Variants in TACR1 observed in about 807,000 individuals in gnomAD.
TACR1 encodes substance-P receptor.
Under a neutral mutation model 35.8 loss-of-function variants are expected in TACR1, and 25 were observed. The observed-to-expected ratio is 0.70, with a 90% CI of 0.51 to 0.98. TACR1 has a LOEUF of 0.98. TACR1 is among the 50% of genes least tolerant of loss of function. TACR1 has a pLI of 0.00. For missense variants in TACR1, 478 were observed against 522.9 expected (o/e 0.91, Z 0.84); for synonymous variants, 195 against 206.7 (o/e 0.94, Z 0.48).
At chr2:75,109,497 C>T (rs1673710695) in intron 2 of TACR1, among the ~76,000 whole-genome samples, 1 of 152,152 alleles carries the variant, frequency 6.6e-6, no homozygotes, top group African/African-American at 2.4e-5. Flanking sequence ...TGGATGTTTG[C>T]TGAAGCTAAT....
intron 1 of TACR1, among the ~76,000 whole-genome samples, chr2:75,142,041 T>C (rs1674417578): frequency 6.6e-6 from 1 of 152,220 alleles, no homozygotes; most frequent in Non-Finnish European, 1.5e-5. Flanking sequence ...TCTGTGACAA[T>C]CTGCTTTCAG....
chr2:75,057,309 A>C (rs1672588199), intron 2 of TACR1, among the ~76,000 whole-genome samples: 1 of 152,022 alleles, frequency 6.6e-6, no homozygotes, highest in African/African-American at 2.4e-5. Flanking sequence ...ACCAGGGAAC[A>C]ACCCCCTTTG....
Position 75,049,608 on chromosome 2 carries a change from T to A in TACR1, c.1048A>T (p.Lys350Ter). Residue 350 changes from lysine (K) to a stop codon, truncating the protein, a stop_gained, in exon 5 of 5, where the codon AAA becomes TAA. Coordinates refer to ENST00000305249, the MANE Select transcript of TACR1 (RefSeq NM_001058.4). LOFTEE classifies it high-confidence loss of function. ...ATGGTGGTCTCCAGGCGGCTGACTTTGTACACACTGCCCTGGGTCTGGAGA... is the reference window on the plus strand; with the variant it reads ...ATGGTGGTCTCCAGGCGGCTGACTTAGTACACACTGCCCTGGGTCTGGAGA... ...RYLQTQGSVY[K>*]VSRLETTIST... 6.2e-7 allele frequency: 1 copy of A among 1,614,144 alleles called. No homozygotes were observed. The highest frequency in any genetic ancestry group is 8.5e-7 in the Non-Finnish European group (1 of 1,180,030).
At chr2:75,115,055 A>G (rs73935540) in intron 2 of TACR1, among the ~76,000 whole-genome samples, 6 of 150,808 alleles carry the variant, frequency 4.0e-5, no homozygotes, top group Non-Finnish European at 5.9e-5. Flanking sequence ...GAAGTAATAA[A>G]TTTTCAAAGG....
At chr2:75,120,536 C>A (rs1673946182) in intron 2 of TACR1, 38 bp downstream of exon 2, 1 of 1,543,732 alleles carries the variant, frequency 6.5e-7, no homozygotes, top group African/African-American at 1.4e-5. Flanking sequence ...GCAGCCTGCA[C>A]CATCGTTTCT....
intron 1 of TACR1, among the ~76,000 whole-genome samples, chr2:75,125,214 C>A (rs188371050): frequency 6.6e-6 from 1 of 151,678 alleles, no homozygotes; most frequent in Non-Finnish European, 1.5e-5. Context: ...GATGGAGTCT[C>A]GCTCTGTTGC....
intron 1 of TACR1, among the ~76,000 whole-genome samples, chr2:75,165,263 G>A (rs538080994): frequency 5.3e-5 from 8 of 152,254 alleles, no homozygotes; most frequent in African/African-American, 1.9e-4. Flanking sequence ...CTCAAGGGAC[G>A]ATGCCCACTT....
intron 1 of TACR1, among the ~76,000 whole-genome samples, chr2:75,176,438 C>G (rs1399840984): frequency 6.6e-6 from 1 of 151,820 alleles, no homozygotes; most frequent in South Asian, 2.1e-4. Context: ...TGTTTTACTC[C>G]CTTCAATCTC....
At chr2:75,088,269 C>T (rs1415108195) in intron 2 of TACR1, among the ~76,000 whole-genome samples, 1 of 152,138 alleles carries the variant, frequency 6.6e-6, no homozygotes. Flanking sequence ...GCTGTCCACC[C>T]TTATGTCCTG....
chr2:75,083,475 A>G (rs187431724), intron 2 of TACR1, among the ~76,000 whole-genome samples: 67 of 152,336 alleles, frequency 4.4e-4, no homozygotes, highest in African/African-American at 1.2e-3. Context: ...AGTCATTGGT[A>G]GCTTGATGGG....
At chr2:75,097,733 T>G (rs1300980096) in intron 2 of TACR1, among the ~76,000 whole-genome samples, 1 of 152,178 alleles carries the variant, frequency 6.6e-6, no homozygotes, top group Non-Finnish European at 1.5e-5. Flanking sequence ...GATATTTTGT[T>G]TTTTTCTCTT....
intron 1 of TACR1, among the ~76,000 whole-genome samples, chr2:75,169,802 A>G (rs752407662): frequency 4.6e-5 from 7 of 152,276 alleles, no homozygotes; most frequent in Non-Finnish European, 8.8e-5. Context: ...AATAACTAGT[A>G]TGTGGAGTTG....
At chr2:75,079,062 C>T (rs1273049283) in intron 2 of TACR1, among the ~76,000 whole-genome samples, 1 of 152,118 alleles carries the variant, frequency 6.6e-6, no homozygotes, top group African/African-American at 2.4e-5. Context: ...ACCACCTCAC[C>T]AGGCAGCCTA....
chr2:75,181,086 A>C (rs151313513), intron 1 of TACR1, among the ~76,000 whole-genome samples: 24 of 152,210 alleles, frequency 1.6e-4, no homozygotes, highest in African/African-American at 5.8e-4. Context: ...TGGCCTACTA[A>C]ATCTTCCAAT....
intron 1 of TACR1, among the ~76,000 whole-genome samples, chr2:75,137,959 A>C (rs1325436195): frequency 6.6e-6 from 1 of 152,162 alleles, no homozygotes; most frequent in African/African-American, 2.4e-5. Context: ...AGGCTTCATC[A>C]GTGCTACCCA....
intron 1 of TACR1, among the ~76,000 whole-genome samples, chr2:75,173,373 G>T (rs1394946147): frequency 1.3e-5 from 2 of 152,030 alleles, no homozygotes; most frequent in Non-Finnish European, 2.9e-5. Context: ...TGAAATATTC[G>T]TTTATAAATA....
chr2:75,160,922 A>G (rs1429736144), intron 1 of TACR1, among the ~76,000 whole-genome samples: 7 of 151,574 alleles, frequency 4.6e-5, no homozygotes, highest in Middle Eastern at 6.8e-3. Flanking sequence ...CAGCCATCCA[A>G]GAAGGTAAAC....
At chr2:75,177,621 C>T (rs936420427) in intron 1 of TACR1, among the ~76,000 whole-genome samples, 15 of 152,122 alleles carry the variant, frequency 9.9e-5, no homozygotes, top group Non-Finnish European at 4.4e-5. Context: ...CTATCTCCTA[C>T]CCACGTCCTT....
At chr2:75,192,917 A>G (rs1675883519) in intron 1 of TACR1, among the ~76,000 whole-genome samples, 2 of 152,192 alleles carry the variant, frequency 1.3e-5, no homozygotes, top group South Asian at 4.1e-4. Context: ...ATAAATTATT[A>G]TGAGTATTCC....
Sources: gnomAD v4.1 joint callset for allele counts (sites outside exome capture counted in the v4.1 genomes callset) on GRCh38, gnomAD v4.1.1 for gene constraint, MANE v1.5 for transcripts, NCBI Gene and HGNC (gene_info 2026-07-23, HGNC 2026-07-21) for gene names.